Variants in PLCB1 observed in about 807,000 individuals in gnomAD.
The protein encoded by PLCB1 is phospholipase C beta 1.
A neutral mutation model predicts 161.8 loss-of-function variants in PLCB1; 46 were observed. That is an observed-to-expected ratio of 0.28 (90% CI 0.22 to 0.36). The LOEUF (loss-of-function observed/expected upper bound fraction) is 0.36, where lower values mean the gene tolerates loss of function less well. Ranked by LOEUF, PLCB1 falls within the 10% of genes least tolerant of loss-of-function variation. The pLI, the probability that PLCB1 is intolerant of heterozygous loss-of-function variation, is 1.00. For missense variants in PLCB1, 1,016 were observed against 1,472.5 expected, an observed-to-expected ratio of 0.69 and a Z score of 5.07; for synonymous variants, 517 against 503.7, an observed-to-expected ratio of 1.03 and a Z score of -0.35.
chr20:8,450,671 C>T (rs575320748), intron 3 of PLCB1, among the ~76,000 whole-genome samples: 3 of 152,214 alleles, frequency 2.0e-5, no homozygotes, highest in East Asian at 1.9e-4. Context: ...ATGATCTCTT[C>T]TTAAGGACTC....
chr20:8,478,464 TGA>T (rs973950920), intron 3 of PLCB1, among the ~76,000 whole-genome samples: 78 of 152,260 alleles, frequency 5.1e-4, no homozygotes, highest in Middle Eastern at 6.8e-3. Context: ...GACATTCCAT[TGA>T]GAGAAAACAG....
At chr20:8,745,680 A>G (rs1413417844) in intron 23 of PLCB1, among the ~76,000 whole-genome samples, 1 of 152,058 alleles carries the variant, frequency 6.6e-6, no homozygotes, top group African/African-American at 2.4e-5. Flanking sequence ...TTAAGGAATA[A>G]TAAAGATTCG....
intron 3 of PLCB1, among the ~76,000 whole-genome samples, chr20:8,496,329 CAAAA>C (rs71331309): frequency 1.1e-5 from 1 of 91,992 alleles, no homozygotes; most frequent in African/African-American, 3.7e-5. Flanking sequence ...CCCATCTCTG[CAAAA>C]AAAAAAAAAA....
At chr20:8,280,772 G>T (rs960970583) in intron 2 of PLCB1, among the ~76,000 whole-genome samples, 12 of 152,194 alleles carry the variant, frequency 7.9e-5, no homozygotes, top group African/African-American at 2.9e-4. Flanking sequence ...TATAAAGGAG[G>T]ATGGATTTGT....
At chr20:8,389,069 T>A (rs1052600448) in intron 3 of PLCB1, among the ~76,000 whole-genome samples, 2 of 152,256 alleles carry the variant, frequency 1.3e-5, no homozygotes, top group African/African-American at 4.8e-5. Flanking sequence ...TTTTTAAAGC[T>A]ACTATTAAAA....
chr20:8,387,995 A>AAG (rs1987478401), intron 3 of PLCB1, among the ~76,000 whole-genome samples: 6 of 151,538 alleles, frequency 4.0e-5, no homozygotes, highest in African/African-American at 9.7e-5. Context: ...AAAAAAAAAA[A>AAG]AAGAAGAAAC....
intron 2 of PLCB1, among the ~76,000 whole-genome samples, chr20:8,166,069 A>G (rs1048433385): frequency 1.4e-4 from 21 of 152,120 alleles, no homozygotes; most frequent in Admixed American, 2.0e-4. Context: ...TCAATATTAA[A>G]CATGACATGC....
At position 8,407,680 on chromosome 20, in the gene PLCB1, A is replaced by G. The variant is rs537689040; in HGVS notation, c.246+36230A>G. Among the ~76,000 whole-genome samples the G allele has an allele frequency of 5.6e-4, 86 of 152,302 alleles. No individual in the cohort carries two copies. In the South Asian group the frequency reaches 6.2e-3, roughly 11 times the overall value. ...GTGGGAATTCTGAGAGATACAAATCAGGTTGAGATTTGGGTGGGGACACAG... is the reference window on the plus strand; with the variant it reads ...GTGGGAATTCTGAGAGATACAAATCGGGTTGAGATTTGGGTGGGGACACAG... On this transcript the variant is annotated intron_variant, in intron 3 of 31. Coordinates refer to ENST00000338037, the MANE Select transcript of PLCB1 (RefSeq NM_015192.4).
At chr20:8,369,793 T>G (rs574320257) in intron 2 of PLCB1, among the ~76,000 whole-genome samples, 5 of 152,228 alleles carry the variant, frequency 3.3e-5, no homozygotes, top group African/African-American at 1.2e-4. Context: ...GACCCACTGT[T>G]TCCTGTCCAC....
chr20:8,165,524 C>CT (rs2051666268), intron 2 of PLCB1, among the ~76,000 whole-genome samples: 1 of 152,190 alleles, frequency 6.6e-6, no homozygotes, highest in Non-Finnish European at 1.5e-5. Flanking sequence ...TACCTTAGCA[C>CT]TATTAATGCT....
At chr20:8,521,626 C>T (rs369245377) in intron 3 of PLCB1, among the ~76,000 whole-genome samples, 1 of 152,132 alleles carries the variant, frequency 6.6e-6, no homozygotes, top group South Asian at 2.1e-4. Context: ...ATCACTTAAG[C>T]TCAGGAAGTT....
chr20:8,629,781 C>G, intron 4 of PLCB1, among the ~76,000 whole-genome samples: 1 of 91,130 alleles, frequency 1.1e-5, no homozygotes, highest in Admixed American at 1.3e-4. Flanking sequence ...TGGCCTGGTT[C>G]CTTCCTTCCT....
At chr20:8,874,018 G>A (rs1259384025) in intron 31 of PLCB1, among the ~76,000 whole-genome samples, 2 of 151,880 alleles carry the variant, frequency 1.3e-5, no homozygotes, top group Admixed American at 6.6e-5. Context: ...TTAAATATAT[G>A]CAGCATGTAT....
intron 31 of PLCB1, among the ~76,000 whole-genome samples, chr20:8,793,524 C>T (rs900846765): frequency 7.2e-5 from 10 of 139,480 alleles, no homozygotes; most frequent in Admixed American, 4.6e-4. Context: ...AGACATCACA[C>T]GTTGGTAGGA....
chr20:8,267,488 C>A (rs962004405), intron 2 of PLCB1, among the ~76,000 whole-genome samples: 1 of 152,174 alleles, frequency 6.6e-6, no homozygotes. Context: ...CCTTACTCAG[C>A]TCTGCCTCAT....
At chr20:8,339,943 C>T (rs1985737451) in intron 2 of PLCB1, among the ~76,000 whole-genome samples, 1 of 152,090 alleles carries the variant, frequency 6.6e-6, no homozygotes, top group Admixed American at 6.6e-5. Context: ...GCCTGGGCAA[C>T]AAAGTAAGAC....
At chr20:8,133,383 G>A (rs1173146609) in intron 1 of PLCB1, among the ~76,000 whole-genome samples, 2 of 152,072 alleles carry the variant, frequency 1.3e-5, no homozygotes, top group African/African-American at 4.8e-5. Context: ...GGCCCTTGAG[G>A]GGTCCTGGAG....
Position 8,686,955 on chromosome 20 carries a change from A to AT in PLCB1, c.1009+1886dup, listed in dbSNP as rs199713164. The stretch of plus-strand genomic sequence containing the variant: ...TCAGTGAACAAAGGAAGAAAAGATA[A>AT]TTTTTTTTTGTCTTTTTAAGGCACG... On this transcript the variant is annotated intron_variant, in intron 10 of 31. Transcript: ENST00000338037. Among the ~76,000 whole-genome samples the AT allele has an allele frequency of 1.6e-3, 249 of 151,426 alleles. 3 individuals are homozygous for AT. Among genetic ancestry groups the AT allele is most frequent in the African/African-American group, 5.5e-3 (228 of 41,288 alleles).
intron 31 of PLCB1, among the ~76,000 whole-genome samples, chr20:8,835,898 C>T (rs771746001): frequency 5.9e-5 from 7 of 118,800 alleles, no homozygotes; most frequent in Non-Finnish European, 1.4e-4. Context: ...CATGTTACTG[C>T]TCACAAGTCT....
Sources: gnomAD v4.1 joint callset for allele counts (sites outside exome capture counted in the v4.1 genomes callset) on GRCh38, gnomAD v4.1.1 for gene constraint, MANE v1.5 for transcripts, NCBI Gene and HGNC (gene_info 2026-07-23, HGNC 2026-07-21) for gene names.